The following DEFB131B variants were observed in gnomAD, a reference collection of about 807,000 sequenced individuals.
DEFB131B encodes defensin beta 131B.
DEFB131B carries 2 observed loss-of-function variants against 2.1 expected under a neutral mutation model. That is an observed-to-expected ratio of 0.94 (90% CI 0.38 to 2.95). The LOEUF is 2.95. DEFB131B is among the 30% of genes most tolerant of loss of function. The pLI is 0.09. For synonymous variants in DEFB131B, 26 were observed against 25.8 expected (o/e 1.01, Z -0.03); for missense variants, 77 against 78.5 (o/e 0.98, Z 0.07).
intron 1 of DEFB131B, among the ~76,000 whole-genome samples, chr11:71,883,303 A>T (rs1268406373): frequency 2.0e-5 from 3 of 152,220 alleles, no homozygotes; most frequent in Non-Finnish European, 4.4e-5. Context: ...AGCAAGAAAA[A>T]CAAAGCTAGG....
intron 1 of DEFB131B, among the ~76,000 whole-genome samples, chr11:71,882,442 G>C (rs1206595489): frequency 2.0e-5 from 3 of 152,120 alleles, no homozygotes; most frequent in Non-Finnish European, 4.4e-5. Flanking sequence ...GTTTGGCCAG[G>C]CTGGTCTTGA....
chr11:71,878,708 C>G (rs1952540264), intron 1 of DEFB131B, among the ~76,000 whole-genome samples, 198 bp downstream of exon 1: 1 of 152,004 alleles, frequency 6.6e-6, no homozygotes, highest in Admixed American at 6.6e-5. Flanking sequence ...GATAAACTCA[C>G]TTGAGGCCAG....
rs1952603117 is a variant in DEFB131B at position 71,884,520 on chromosome 11, A to G, written c.172A>G (p.Lys58Glu). ...RYCADFSICCKLKIIQIDGQK... is the reference protein window; with the variant it reads ...RYCADFSICCELKIIQIDGQK... ...CTGTGCTGACTTCAGCATCTGCTGC[A>G]AACTGAAGATCATTCAAATTGATGG... The change falls in exon 2 of 2, where the codon AAA becomes GAA. Residue 58 changes from lysine (K) to glutamate (E), a missense_variant. Physicochemically the swap from Lys to Glu is moderately conservative, Grantham distance 56. Transcript: ENST00000530210. 6.2e-7 allele frequency: 1 copy of G among 1,609,196 alleles called. No homozygotes were observed. The highest frequency in any genetic ancestry group is 8.5e-7 in the Non-Finnish European group (1 of 1,178,276).
intron 1 of DEFB131B, among the ~76,000 whole-genome samples, chr11:71,883,943 A>T (rs993625945): frequency 6.6e-6 from 1 of 152,076 alleles, no homozygotes; most frequent in Non-Finnish European, 1.5e-5. Context: ...TAGCTTTTCC[A>T]CTTTTCCACC....
intron 1 of DEFB131B, among the ~76,000 whole-genome samples, chr11:71,879,116 T>C (rs1036378680): frequency 4.6e-5 from 7 of 152,110 alleles, no homozygotes; most frequent in Non-Finnish European, 7.4e-5. Context: ...GAAAAGCGAA[T>C]GAAGACTAGA....
At chr11:71,880,037 T>A (rs978706415) in intron 1 of DEFB131B, among the ~76,000 whole-genome samples, 3 of 152,142 alleles carry the variant, frequency 2.0e-5, no homozygotes, top group Non-Finnish European at 2.9e-5. Flanking sequence ...AATAAAAATA[T>A]AAAACACCAA....
At chr11:71,884,331 T>C (rs1952600779) in intron 1 of DEFB131B, 76 bp from the exon 2 acceptor site, 2 of 1,390,880 alleles carry the variant, frequency 1.4e-6, no homozygotes, top group Non-Finnish European at 1.9e-6. Flanking sequence ...TTTTAATTTA[T>C]TATAAAACAT....
At chr11:71,884,093 T>C (rs1952597705) in intron 1 of DEFB131B, among the ~76,000 whole-genome samples, 1 of 152,346 alleles carries the variant, frequency 6.6e-6, no homozygotes, top group South Asian at 2.1e-4. Flanking sequence ...AATTAAACAT[T>C]ATTTCCTGCA....
chr11:71,884,390 G>C lies in DEFB131B; in HGVS notation c.59-17G>C, dbSNP rs754337930. The C allele has an allele frequency of 3.8e-6, 6 of 1,562,904 alleles. No homozygotes were observed. Among genetic ancestry groups the C allele is most frequent in the Non-Finnish European group, 4.3e-6 (5 of 1,154,322 alleles). On this transcript the variant is annotated splice_polypyrimidine_tract_variant and intron_variant, in intron 1 of 1. Coordinates refer to ENST00000530210, the MANE Select transcript of DEFB131B (RefSeq NM_001242853.1). ...TAAGTAATATTGTGTCATATAATTT[G>C]TCTTCTCTTTTTAAAGCCAGAAGCT...
intron 1 of DEFB131B, among the ~76,000 whole-genome samples, 169 bp downstream of exon 1, chr11:71,878,679 C>G (rs1590730668): frequency 6.6e-6 from 1 of 152,148 alleles, no homozygotes; most frequent in Non-Finnish European, 1.5e-5. Context: ...AGGTGGTTCA[C>G]TGCAGTGATT....
chr11:71,879,045 T>A (rs1390454567), intron 1 of DEFB131B, among the ~76,000 whole-genome samples: 1 of 152,096 alleles, frequency 6.6e-6, no homozygotes, highest in African/African-American at 2.4e-5. Flanking sequence ...GAGTTGTGTT[T>A]GATCAAAAGA....
intron 1 of DEFB131B, among the ~76,000 whole-genome samples, chr11:71,879,145 G>A (rs1431412521): frequency 6.6e-6 from 1 of 152,214 alleles, no homozygotes; most frequent in African/African-American, 2.4e-5. Flanking sequence ...TAGAGGTGAA[G>A]AGGTGGATGC....
At chr11:71,881,260 A>T (rs1198930187) in intron 1 of DEFB131B, among the ~76,000 whole-genome samples, 2 of 152,228 alleles carry the variant, frequency 1.3e-5, no homozygotes, top group Non-Finnish European at 2.9e-5. Context: ...TTATCATTAT[A>T]TGATGGCCTT....
Position 71,884,323 on chromosome 11 carries a change from T to C in DEFB131B, c.59-84T>C, listed in dbSNP as rs897868177. 3.6e-6 allele frequency: 5 copies of C among 1,373,020 alleles called. No individual in the cohort carries two copies. In the African/African-American group the frequency reaches 7.4e-5, roughly 20 times the overall value. 85.1% of individuals were successfully genotyped at this position (1,373,020 alleles called of 1,614,324 possible). A position where few individuals can be genotyped will look rare whatever the true frequency, so the allele number is the denominator to read the frequency against. ...TTTCTGGGAAAGTTCTGTAATGCTT[T>C]TAATTTATTATAAAACATTTCAGAC... On this transcript the variant is annotated intron_variant, in intron 1 of 1. Transcript: ENST00000530210.
Position 71,882,213 on chromosome 11 carries a change from T to TAA in DEFB131B, c.59-2182_59-2181dup, listed in dbSNP as rs59043498. On this transcript the variant is annotated intron_variant, in intron 1 of 1. Coordinates refer to ENST00000530210, the MANE Select transcript of DEFB131B (RefSeq NM_001242853.1). ...GAGGAAAGTGAAATATTTAAAATGT[T>TAA]AAAAAAAAAAAAAGAACACTATCTT... 7.0e-3 allele frequency among the ~76,000 whole-genome samples: 1,004 copies of TAA among 143,756 alleles called. 14 individuals carry two copies. The highest frequency in any genetic ancestry group is 0.024 in the African/African-American group (936 of 39,760). The allele number at this position is 143,756 out of a possible 152,430, so 94.3% of individuals were successfully genotyped here.
chr11:71,881,648 AT>A (rs1483156886), intron 1 of DEFB131B, among the ~76,000 whole-genome samples: 1 of 152,018 alleles, frequency 6.6e-6, no homozygotes, highest in East Asian at 1.9e-4. Context: ...AAAAAAAAAA[AT>A]CTTCAAATAT....
intron 1 of DEFB131B, among the ~76,000 whole-genome samples, chr11:71,879,699 C>T (rs1952547994): frequency 6.6e-6 from 1 of 152,012 alleles, no homozygotes; most frequent in Non-Finnish European, 1.5e-5. Flanking sequence ...TTGTGCACCC[C>T]TCACCATTAT....
Position 71,884,482 on chromosome 11 carries a change from A to G in DEFB131B, c.134A>G (p.His45Arg). The G allele has an allele frequency of 6.2e-7, 1 of 1,610,394 alleles. No homozygotes were observed. Among genetic ancestry groups the G allele is most frequent in the East Asian group, 2.2e-5 (1 of 44,822 alleles). The change falls in exon 2 of 2, where the codon CAT (histidine) becomes CGT (arginine). Residue 45 changes from histidine to arginine, a missense_variant. By Grantham distance (29) the His-to-Arg change is conservative (BLOSUM62 0). Transcript: ENST00000530210. ...AGACTGAAGTGCAATGCTGATGAAC[A>G]TGCAATTAGATACTGTGCTGACTTC... ...HCRLKCNADEHAIRYCADFSI... is the reference protein window; with the variant it reads ...HCRLKCNADERAIRYCADFSI...
chr11:71,880,202 G>A (rs1215655916), intron 1 of DEFB131B, among the ~76,000 whole-genome samples: 3 of 152,074 alleles, frequency 2.0e-5, no homozygotes, highest in African/African-American at 7.2e-5. Context: ...AGTTTAATAT[G>A]TATTTATTAT....
Sources: gnomAD v4.1 joint callset for allele counts (sites outside exome capture counted in the v4.1 genomes callset) on GRCh38, gnomAD v4.1.1 for gene constraint, MANE v1.5 for transcripts, NCBI Gene and HGNC (gene_info 2026-07-23, HGNC 2026-07-21) for gene names.